Variants in MAP7 observed in about 807,000 individuals in gnomAD.
The protein encoded by MAP7 is microtubule associated protein 7.
In MAP7, 52 loss-of-function variants were observed where a neutral mutation model predicts 94.8. The observed-to-expected ratio is 0.55, with a 90% CI of 0.44 to 0.69. MAP7 has a LOEUF of 0.69. MAP7 is among the 30% of genes least tolerant of loss of function. The probability of loss-of-function intolerance (pLI) is 0.00; values close to 1 mark genes in which losing one functional copy is unlikely to be tolerated. For synonymous variants in MAP7, 350 were observed against 357.0 expected (o/e 0.98, Z 0.22); for missense variants, 940 against 964.6 (o/e 0.97, Z 0.34).
At chr6:136,357,094 A>G (rs1265324514) in intron 15 of MAP7, among the ~76,000 whole-genome samples, 2 of 152,246 alleles carry the variant, frequency 1.3e-5, no homozygotes, top group African/African-American at 4.8e-5. Flanking sequence ...TACATGAAGT[A>G]TATAATATTG....
intron 2 of MAP7, among the ~76,000 whole-genome samples, chr6:136,417,633 T>C (rs1789913361): frequency 6.6e-6 from 1 of 152,208 alleles, no homozygotes; most frequent in Non-Finnish European, 1.5e-5. Context: ...TATGCCTCTT[T>C]TTCAAATGAA....
intron 1 of MAP7, among the ~76,000 whole-genome samples, chr6:136,456,303 A>G (rs1230988337): frequency 1.3e-5 from 2 of 152,166 alleles, no homozygotes. Flanking sequence ...CAAAAATACA[A>G]CATGCCAAAA....
Position 136,370,977 on chromosome 6 carries a change from C to CT in MAP7, c.876+1523dup, listed in dbSNP as rs144043525. Reference sequence around the variant, plus strand: ...TTTAGCTTGTCAGTTTCAGTAGCCACTTTCCAAGTGCTCACTGTGGCCAGT... The same window carrying CT: ...TTTAGCTTGTCAGTTTCAGTAGCCACTTTTCCAAGTGCTCACTGTGGCCAGT... On this transcript the variant is annotated intron_variant, in intron 8 of 17. Transcript: ENST00000354570. Among the ~76,000 whole-genome samples, 542 of 151,900 alleles carry CT rather than the reference C, an allele frequency of 3.6e-3. 3 individuals are homozygous for CT. Among genetic ancestry groups the CT allele is most frequent in the African/African-American group, 0.012 (506 of 41,406 alleles).
chr6:136,507,657 C>A (rs1258432407), intron 1 of MAP7, among the ~76,000 whole-genome samples: 2 of 152,094 alleles, frequency 1.3e-5, no homozygotes, highest in Non-Finnish European at 2.9e-5. Context: ...TAATAACATT[C>A]GTTACCATTT....
At position 136,539,279 on chromosome 6, in the gene MAP7, A is replaced by G. The variant is rs140029534; in HGVS notation, c.67+11063T>C. Among the ~76,000 whole-genome samples the G allele has an allele frequency of 7.4e-3, 1,120 of 152,298 alleles. 18 individuals carry two copies. Among genetic ancestry groups the G allele is most frequent in the African/African-American group, 0.025 (1,044 of 41,552 alleles). On this transcript the variant is annotated intron_variant, in intron 1 of 17. Coordinates refer to ENST00000354570, the MANE Select transcript of MAP7 (RefSeq NM_003980.6). ...AAAAAGGAAGACACTGAGGAAGAGA[A>G]TGCTTACATGACATGCCCAAGATCC...
intron 1 of MAP7, among the ~76,000 whole-genome samples, chr6:136,448,266 T>C (rs1799953992): frequency 6.6e-6 from 1 of 152,262 alleles, no homozygotes; most frequent in African/African-American, 2.4e-5. Flanking sequence ...TAGGCAACAA[T>C]GCTCTGGTGT....
In MAP7 at chr6:136,362,714, G is replaced by T; in HGVS notation, c.1274-12C>A. 1.9e-6 allele frequency: 3 copies of T among 1,545,798 alleles called. 1 individual carries two copies. Among genetic ancestry groups the T allele is most frequent in the Middle Eastern group, 3.5e-4 (2 of 5,720 alleles). ...CATGGCTGGAGCAGCTGCACAAATA[G>T]GTACAAGGAGAAAACCAGTTGGAAA... On this transcript the variant is annotated splice_polypyrimidine_tract_variant and intron_variant, in intron 10 of 17. Transcript: ENST00000354570.
At chr6:136,513,819 T>C (rs1823965055) in intron 1 of MAP7, among the ~76,000 whole-genome samples, 1 of 152,190 alleles carries the variant, frequency 6.6e-6, no homozygotes, top group Non-Finnish European at 1.5e-5. Flanking sequence ...CCCATTGTTT[T>C]GGGTTAAATG....
chr6:136,535,691 C>T lies in MAP7; in HGVS notation c.67+14651G>A, dbSNP rs115890201. 5.1e-3 allele frequency among the ~76,000 whole-genome samples: 771 copies of T among 151,544 alleles called. 2 individuals carry two copies. Among genetic ancestry groups the T allele is most frequent in the African/African-American group, 0.018 (744 of 41,370 alleles). ...GATATAAGATATTTAGGATTGAGTG[C>T]CAAGCTTAGAAGCTTTTTTTTTCTT... On this transcript the variant is annotated intron_variant, in intron 1 of 17. Transcript: ENST00000354570.
chr6:136,439,922 C>G (rs1797366058), intron 1 of MAP7, among the ~76,000 whole-genome samples: 1 of 152,150 alleles, frequency 6.6e-6, no homozygotes, highest in African/African-American at 2.4e-5. Context: ...CATGCCCGGT[C>G]TCGCTCCTTC....
At position 136,411,712 on chromosome 6, in the gene MAP7, AAAAAAAACATGAGATG is replaced by A; in HGVS notation, c.167-31_167-16del. On this transcript the variant is annotated splice_polypyrimidine_tract_variant and intron_variant, in intron 2 of 17. Transcript: ENST00000354570. ...AGGCGGAGGGTCTGAAAGCGAGATTAAAAAAAACATGAGATGAAGAGTGGATTAAAAAAAAAAAGAA... is the reference window on the plus strand; with the variant it reads ...AGGCGGAGGGTCTGAAAGCGAGATTAAAGAGTGGATTAAAAAAAAAAAGAA... 1 of 1,542,778 alleles carries A rather than the reference AAAAAAAACATGAGATG, an allele frequency of 6.5e-7. No individual in the cohort carries two copies. The highest frequency in any genetic ancestry group is 8.8e-7 in the Non-Finnish European group (1 of 1,140,704).
At chr6:136,518,257 TC>T (rs1285450498) in intron 1 of MAP7, among the ~76,000 whole-genome samples, 4 of 152,210 alleles carry the variant, frequency 2.6e-5, no homozygotes, top group Non-Finnish European at 5.9e-5. Context: ...GGATAATTTT[TC>T]TGGGTCTATA....
intron 1 of MAP7, among the ~76,000 whole-genome samples, chr6:136,472,854 TA>T (rs992605822): frequency 2.0e-5 from 3 of 151,682 alleles, no homozygotes; most frequent in African/African-American, 7.3e-5. Flanking sequence ...TAAATAAAAA[TA>T]AAAAAATTAA....
chr6:136,522,075 A>G (rs1009502142), intron 1 of MAP7, among the ~76,000 whole-genome samples: 1 of 152,160 alleles, frequency 6.6e-6, no homozygotes, highest in African/African-American at 2.4e-5. Context: ...ATGCCTTATT[A>G]CTTAATAATC....
chr6:136,513,856 G>A (rs925808184), intron 1 of MAP7, among the ~76,000 whole-genome samples: 6 of 152,296 alleles, frequency 3.9e-5, no homozygotes, highest in African/African-American at 1.4e-4. Context: ...AGTTGCTAGG[G>A]GGAGGGTGTT....
intron 1 of MAP7, among the ~76,000 whole-genome samples, chr6:136,521,345 C>T (rs34598015): frequency 0.021 from 3,175 of 152,142 alleles, 49 homozygotes; most frequent in South Asian, 0.042. Flanking sequence ...CATAGTGGCA[C>T]GCTATGGAGG....
chr6:136,456,823 G>A (rs868347896), intron 1 of MAP7, among the ~76,000 whole-genome samples: 66 of 40,110 alleles, frequency 1.6e-3, no homozygotes, highest in African/African-American at 3.0e-3. Context: ...GAAGAAGAAG[G>A]AAGAAGAAGA....
chr6:136,475,136 T>C (rs547687891), intron 1 of MAP7, among the ~76,000 whole-genome samples: 75 of 152,334 alleles, frequency 4.9e-4, no homozygotes, highest in Non-Finnish European at 9.8e-4. Context: ...TATGACTTTA[T>C]ACATAAAGCT....
chr6:136,485,552 C>A lies in MAP7; in HGVS notation c.68-63753G>T, dbSNP rs575212354. Among the ~76,000 whole-genome samples the A allele has an allele frequency of 2.8e-4, 38 of 136,888 alleles. No homozygotes were observed. The East Asian group carries it at 8.3e-3, about 30-fold the overall frequency. 89.8% of individuals were successfully genotyped at this position (136,888 alleles called of 152,430 possible). On this transcript the variant is annotated intron_variant, in intron 1 of 17. Transcript: ENST00000354570. ...GATGACTTAATGATCAATTCCACTTCAGATTTTTTTTTTTTTTTTTTTTTT... is the reference window on the plus strand; with the variant it reads ...GATGACTTAATGATCAATTCCACTTAAGATTTTTTTTTTTTTTTTTTTTTT...
Sources: gnomAD v4.1 joint callset for allele counts (sites outside exome capture counted in the v4.1 genomes callset) on GRCh38, gnomAD v4.1.1 for gene constraint, MANE v1.5 for transcripts, NCBI Gene and HGNC (gene_info 2026-07-23, HGNC 2026-07-21) for gene names.